MAST4: variants seen among roughly 807,000 people sequenced by gnomAD.
The protein encoded by MAST4 is microtubule associated serine/threonine kinase family member 4, also known as microtubule-associated serine/threonine-protein kinase 4.
MAST4 carries 89 observed loss-of-function variants against 162.7 expected under a neutral mutation model. That is an observed-to-expected ratio of 0.55 (90% CI 0.46 to 0.65). The LOEUF (loss-of-function observed/expected upper bound fraction) is 0.65, where lower values mean the gene tolerates loss of function less well. Among genes scored for constraint, MAST4 ranks in the 30% least tolerant of loss-of-function variants. MAST4 has a pLI of 0.00. For missense variants in MAST4, 3,153 were observed against 3,374.0 expected (o/e 0.93, Z 1.62); for synonymous variants, 1,479 against 1,361.1 (o/e 1.09, Z -1.91).
chr5:66,895,242 G>A (rs386578), intron 3 of MAST4, among the ~76,000 whole-genome samples: 80,297 of 151,968 alleles, frequency 0.53, 21,561 homozygotes, highest in Middle Eastern at 0.6. Flanking sequence ...CAACAGGTCA[G>A]TTAAAAGTGT....
chr5:67,076,382 C>T (rs1201142478), intron 5 of MAST4, among the ~76,000 whole-genome samples: 1 of 152,174 alleles, frequency 6.6e-6, no homozygotes, highest in Non-Finnish European at 1.5e-5. Flanking sequence ...TTCTCCTGAA[C>T]ACAGATGCAT....
intron 4 of MAST4, chr5:66,930,772 A>G (rs756965266): frequency 4.2e-6 from 2 of 470,762 alleles, no homozygotes. Context: ...CTGACAGAAC[A>G]TCGTGGATTG....
chr5:67,139,268 C>T (rs950383913), intron 19 of MAST4, among the ~76,000 whole-genome samples: 5 of 152,092 alleles, frequency 3.3e-5, no homozygotes, highest in South Asian at 2.1e-4. Flanking sequence ...AATAATGCAC[C>T]GTGAAAATGT....
chr5:67,049,045 G>GTATATA lies in MAST4; in HGVS notation c.675-5350_675-5345dup, dbSNP rs1376142250. Among the ~76,000 whole-genome samples, 735 of 100,466 alleles carry GTATATA rather than the reference G, an allele frequency of 7.3e-3. 16 individuals carry two copies. The highest frequency in any genetic ancestry group is 0.023 in the Admixed American group (222 of 9,526). 65.9% of individuals were successfully genotyped at this position (100,466 alleles called of 152,430 possible). A position where few individuals can be genotyped will look rare whatever the true frequency, so the allele number is the denominator to read the frequency against. ...TACGTATATATATATATATATACGT[G>GTATATA]TATATATATATATACGTATATATAT... On this transcript the variant is annotated intron_variant, in intron 4 of 28. Coordinates refer to ENST00000403625, the MANE Select transcript of MAST4 (RefSeq NM_001164664.2).
intron 1 of MAST4, among the ~76,000 whole-genome samples, chr5:66,677,555 T>TA (rs1447121567): frequency 3.3e-5 from 5 of 152,102 alleles, no homozygotes; most frequent in South Asian, 2.1e-4. Flanking sequence ...AGTGGTGATT[T>TA]AAAAAAATCC....
intron 8 of MAST4, 95 bp downstream of exon 8, chr5:67,100,687 T>C: frequency 7.1e-7 from 1 of 1,410,988 alleles, no homozygotes; most frequent in Non-Finnish European, 9.8e-7. Flanking sequence ...ATATGTGTGT[T>C]AACTGACTTG....
In MAST4 at chr5:67,029,565, G is replaced by A. The variant is rs143031193; in HGVS notation, c.675-24839G>A. ...CTAAGAAAAAGGAAATTAGGCTGGA[G>A]AGGTTTGAAAGAAATTGAGCAGGAA... On this transcript the variant is annotated intron_variant, in intron 4 of 28. Coordinates refer to ENST00000403625, the MANE Select transcript of MAST4 (RefSeq NM_001164664.2). Among the ~76,000 whole-genome samples the A allele has an allele frequency of 1.3e-3, 192 of 152,292 alleles. 4 individuals are homozygous for A. The East Asian group carries it at 0.034, about 27-fold the overall frequency.
intron 5 of MAST4, among the ~76,000 whole-genome samples, chr5:67,056,957 C>T (rs186178477): frequency 5.3e-4 from 81 of 152,242 alleles, no homozygotes; most frequent in Non-Finnish European, 9.1e-4. Flanking sequence ...CCTGCCTCAG[C>T]CACCCAAAGT....
intron 3 of MAST4, among the ~76,000 whole-genome samples, chr5:66,836,184 T>A (rs114614907): frequency 0.012 from 1,761 of 149,010 alleles, 34 homozygotes; most frequent in African/African-American, 0.042. Flanking sequence ...AAAAAAAAAA[T>A]CATGCTTTTG....
rs919075946 is a variant in MAST4, at chr5:67,145,457, T to A, written c.3094+78T>A. Reference sequence around the variant, plus strand: ...CTAGTGCTCAGTCCCAGGGCGGGCCTCGCCAGGCAGTAAAGATGGGTGTTT... The same window carrying A: ...CTAGTGCTCAGTCCCAGGGCGGGCCACGCCAGGCAGTAAAGATGGGTGTTT... On this transcript the variant is annotated intron_variant, in intron 23 of 28. Coordinates refer to ENST00000403625, the MANE Select transcript of MAST4 (RefSeq NM_001164664.2). The A allele has an allele frequency of 1.6e-5, 20 of 1,248,404 alleles. No homozygotes were observed. In the Admixed American group the frequency reaches 3.6e-4, roughly 23 times the overall value. 77.3% of individuals were successfully genotyped at this position (1,248,404 alleles called of 1,614,324 possible).
chr5:67,118,796 C>T (rs1472428504), intron 13 of MAST4, 47 bp downstream of exon 13: 7 of 1,114,880 alleles, frequency 6.3e-6, no homozygotes, highest in African/African-American at 1.6e-5. Flanking sequence ...TTCTGTTTAG[C>T]ATCTGGAGAC....
Position 67,160,517 on chromosome 5 carries a change from C to T in MAST4, c.3710C>T (p.Pro1237Leu). Residue 1237 changes from proline to leucine, a missense_variant, in exon 27 of 29, where the codon CCA (proline) becomes CTA (leucine). Coordinates refer to ENST00000403625, the MANE Select transcript of MAST4 (RefSeq NM_001164664.2). ...PFENTSIKTG[P>L]ARRNSYKSRM... ...GAAAACACATCAATCAAAACTGGACCAGCCAGGAGAAACAGCTATAAGAGC... is the reference window on the plus strand; with the variant it reads ...GAAAACACATCAATCAAAACTGGACTAGCCAGGAGAAACAGCTATAAGAGC... 6.2e-7 allele frequency: 1 copy of T among 1,613,852 alleles called. No individual in the cohort carries two copies. Among genetic ancestry groups the T allele is most frequent in the Non-Finnish European group, 8.5e-7 (1 of 1,179,818 alleles).
At chr5:66,617,829 C>G (rs1053550070) in intron 1 of MAST4, among the ~76,000 whole-genome samples, 5 of 152,108 alleles carry the variant, frequency 3.3e-5, no homozygotes, top group Admixed American at 6.5e-5. Context: ...AAAACATCAA[C>G]GCGTACTAAT....
intron 4 of MAST4, among the ~76,000 whole-genome samples, chr5:66,904,614 A>G (rs77403182): frequency 0.012 from 1,886 of 152,242 alleles, 55 homozygotes; most frequent in African/African-American, 0.042. Context: ...TAGTAGAAGC[A>G]GTGAATGACA....
At chr5:67,117,439 C>T (rs1767050735) in intron 12 of MAST4, among the ~76,000 whole-genome samples, 1 of 152,008 alleles carries the variant, frequency 6.6e-6, no homozygotes, top group Admixed American at 6.6e-5. Flanking sequence ...ATCTCTTAGG[C>T]ATAATGTCTG....
At chr5:67,108,477 TG>T (rs1343649452) in intron 10 of MAST4, among the ~76,000 whole-genome samples, 1 of 152,138 alleles carries the variant, frequency 6.6e-6, no homozygotes, top group Non-Finnish European at 1.5e-5. Context: ...AAGCAAAAAT[TG>T]GGAAGAAAAT....
intron 6 of MAST4, chr5:67,094,243 A>G: frequency 1.0e-6 from 1 of 986,574 alleles, no homozygotes. Flanking sequence ...GTCTTTGTGG[A>G]CCATTTGCAT....
chr5:66,797,597 TAA>T (rs1755714547), intron 3 of MAST4, among the ~76,000 whole-genome samples: 1 of 152,180 alleles, frequency 6.6e-6, no homozygotes, highest in Admixed American at 6.5e-5. Flanking sequence ...AAGGAGCCTA[TAA>T]ACTAGTTGCA....
chr5:67,108,267 T>C lies in MAST4; in HGVS notation c.1357-1831T>C, dbSNP rs561343666. 1.0e-3 allele frequency among the ~76,000 whole-genome samples: 158 copies of C among 152,334 alleles called. 1 individual carries two copies. The highest frequency in any genetic ancestry group is 1.7e-3 in the East Asian group (9 of 5,192). ...TTAGGCTTTTCAGATTTTCTTTATA[T>C]TCCTGAATTTATAAACCAAAAATGA... On this transcript the variant is annotated intron_variant, in intron 10 of 28. Coordinates refer to ENST00000403625, the MANE Select transcript of MAST4 (RefSeq NM_001164664.2).
Sources: gnomAD v4.1 joint callset for allele counts (sites outside exome capture counted in the v4.1 genomes callset) on GRCh38, gnomAD v4.1.1 for gene constraint, MANE v1.5 for transcripts, NCBI Gene and HGNC (gene_info 2026-07-23, HGNC 2026-07-21) for gene names.